Variants in FGF6 observed in about 807,000 individuals in gnomAD.
The protein encoded by FGF6 is fibroblast growth factor 6, also known as FGF-6.
Under a neutral mutation model 18.4 loss-of-function variants are expected in FGF6, and 14 were observed. That is an observed-to-expected ratio of 0.76 (90% CI 0.50 to 1.19). The LOEUF (loss-of-function observed/expected upper bound fraction) is 1.19, where lower values mean the gene tolerates loss of function less well. Ranked by LOEUF, FGF6 falls within the 50% of genes most tolerant of loss-of-function variation. The probability of loss-of-function intolerance (pLI) is 0.00; values close to 1 mark genes in which losing one functional copy is unlikely to be tolerated. For missense variants in FGF6, 266 were observed against 271.6 expected, an observed-to-expected ratio of 0.98 and a Z score of 0.15; for synonymous variants, 125 against 116.7, an observed-to-expected ratio of 1.07 and a Z score of -0.46.
intron 2 of FGF6, among the ~76,000 whole-genome samples, chr12:4,434,796 C>G (rs562507709): frequency 5.3e-5 from 8 of 152,326 alleles, no homozygotes; most frequent in Admixed American, 1.3e-4. Flanking sequence ...CAAGTCCACT[C>G]TGAGAGGGAG....
Position 4,445,477 on chromosome 12 carries a change from C to G in FGF6, c.94G>C (p.Val32Leu), listed in dbSNP as rs766832668. ...GCAGGCGAGGGCACCACCATGCCCACTAGGATGCCTAGGAAGACGAGAGCC... is the reference window on the plus strand; with the variant it reads ...GCAGGCGAGGGCACCACCATGCCCAGTAGGATGCCTAGGAAGACGAGAGCC... ...LWALVFLGIL[V>L]GMVVPSPAGT... The change falls in exon 1 of 3, where the codon GTG becomes CTG. Residue 32 changes from valine to leucine, a missense_variant. Val to Leu is a conservative substitution (Grantham distance 32). Transcript: ENST00000228837. This position sits in a 1 kb window ranked among gnomAD's most constrained non-coding sequence, Gnocchi z 5.5. 1 of 1,613,218 alleles carries G rather than the reference C, an allele frequency of 6.2e-7. No homozygotes were observed. The highest frequency in any genetic ancestry group is 8.5e-7 in the Non-Finnish European group (1 of 1,179,984).
intron 2 of FGF6, among the ~76,000 whole-genome samples, chr12:4,441,816 T>C (rs1004850346): frequency 9.9e-5 from 15 of 152,156 alleles, no homozygotes; most frequent in African/African-American, 3.6e-4. Context: ...GGAGTCTTCC[T>C]GGCTCCGGGG....
chr12:4,445,574 C>G lies in FGF6; in HGVS notation c.-4G>C. 6.4e-7 allele frequency: 1 copy of G among 1,572,192 alleles called. No homozygotes were observed. Among genetic ancestry groups the G allele is most frequent in the Non-Finnish European group, 8.6e-7 (1 of 1,156,998 alleles). ...ACAGTTTCTGTCCCAGGGCCATCCA[C>G]CTTGCCTCTCAGGCACGTGGTCAGA... is the stretch of plus-strand genomic sequence containing the variant. On this transcript the variant is annotated 5_prime_UTR_variant, in exon 1 of 3. Coordinates refer to ENST00000228837, the MANE Select transcript of FGF6 (RefSeq NM_020996.3). The surrounding 1 kb of genome is among the most constrained non-coding windows in gnomAD (Gnocchi z 5.5).
chr12:4,442,829 G>A (rs1398634397), intron 2 of FGF6, among the ~76,000 whole-genome samples: 1 of 152,220 alleles, frequency 6.6e-6, no homozygotes, highest in Non-Finnish European at 1.5e-5. Context: ...GTAACATGGG[G>A]AGTGGGTGGT....
In FGF6 at chr12:4,434,150, C is replaced by T. The variant is rs982565857; in HGVS notation, c.*65G>A. The stretch of plus-strand genomic sequence containing the variant: ...GCCATGGAGGGCAAGGGGAATTCTT[C>T]GCTGGTGCAAAATTTCAATCGAACA... On this transcript the variant is annotated 3_prime_UTR_variant, in exon 3 of 3. Transcript: ENST00000228837. 22 of 1,547,702 alleles carry T rather than the reference C, an allele frequency of 1.4e-5. No homozygotes were observed. The highest frequency in any genetic ancestry group is 5.1e-5 in the Admixed American group (3 of 58,648).
At chr12:4,444,082 G>A (rs1374857338) in intron 2 of FGF6, 51 bp downstream of exon 2, 1 of 1,169,308 alleles carries the variant, frequency 8.6e-7, no homozygotes. Context: ...CTTCAACTGT[G>A]TAAGCATCAA....
chr12:4,438,422 CA>C (rs775160330), intron 2 of FGF6, among the ~76,000 whole-genome samples: 1 of 152,142 alleles, frequency 6.6e-6, no homozygotes, highest in East Asian at 1.9e-4. Flanking sequence ...CACACACGCA[CA>C]AAAGTTACTA....
intron 2 of FGF6, among the ~76,000 whole-genome samples, chr12:4,437,772 A>T (rs1324974756): frequency 6.6e-6 from 1 of 152,208 alleles, no homozygotes; most frequent in African/African-American, 2.4e-5. Context: ...AATGATAATA[A>T]AGTTTGATGT....
intron 1 of FGF6, 71 bp from the exon 2 acceptor site, chr12:4,444,307 G>C: frequency 1.0e-6 from 1 of 992,260 alleles, no homozygotes; most frequent in Non-Finnish European, 1.6e-6. Flanking sequence ...GCCGACAAGG[G>C]CATCTCAGTC....
In FGF6 at chr12:4,445,178, T is replaced by C. The variant is rs1565472325; in HGVS notation, c.346+47A>G. 10 of 1,509,972 alleles carry C rather than the reference T, an allele frequency of 6.6e-6. No homozygotes were observed. In the East Asian group the frequency reaches 9.7e-5, roughly 15 times the overall value. 93.5% of individuals were successfully genotyped at this position (1,509,972 alleles called of 1,614,324 possible). On this transcript the variant is annotated intron_variant, in intron 1 of 2. Transcript: ENST00000228837. The surrounding 1 kb of genome is among the most constrained non-coding windows in gnomAD (Gnocchi z 5.5). ...GGCCCCTTCACCTTTTAGCCCTGCA[T>C]GAGCCCAAACCCCCAAGCGTCCCGA...
At position 4,434,270 on chromosome 12, in the gene FGF6, C is replaced by T. The variant is rs372807700; in HGVS notation, c.572G>A (p.Arg191Gln). The change falls in exon 3 of 3, where the codon CGG becomes CAG. Residue 191 changes from arginine to glutamine, a missense_variant. Physicochemically the swap from Arg to Gln is conservative, Grantham distance 43. Coordinates refer to ENST00000228837, the MANE Select transcript of FGF6 (RefSeq NM_020996.3). ...IALSKYGRVK[R>Q]GSKVSPIMTV... ...CATGATCGGGGACACCTTGCTGCCC[C>T]GCTTTACCCGTCCGTATTTGCTCAG... 51 of 1,614,030 alleles carry T rather than the reference C, an allele frequency of 3.2e-5. No individual in the cohort carries two copies. Among genetic ancestry groups the T allele is most frequent in the East Asian group, 8.9e-5 (4 of 44,896 alleles).
Position 4,445,721 on chromosome 12 carries a change from G to A in FGF6, c.-151C>T. The A allele has an allele frequency of 1.5e-6, 1 of 669,532 alleles. No individual in the cohort carries two copies. Among genetic ancestry groups the A allele is most frequent in the Non-Finnish European group, 2.5e-6 (1 of 401,094 alleles). The allele number at this position is 669,532 out of a possible 1,614,324, so 41.5% of individuals were successfully genotyped here. A position where few individuals can be genotyped will look rare whatever the true frequency, so the allele number is the denominator to read the frequency against. ...AAACCAAAGCCTCCATCGGGCACTC[G>A]GGTTGAGAGCAGAGGGACCCAGGCT... On this transcript the variant is annotated 5_prime_UTR_variant, in exon 1 of 3. An upstream open reading frame in the 5' UTR gains an earlier in-frame stop. Coordinates refer to ENST00000228837, the MANE Select transcript of FGF6 (RefSeq NM_020996.3). The surrounding 1 kb of genome is among the most constrained non-coding windows in gnomAD (Gnocchi z 5.5).
At chr12:4,444,084 A>T in intron 2 of FGF6, 49 bp downstream of exon 2, 1 of 1,180,440 alleles carries the variant, frequency 8.5e-7, no homozygotes, top group Non-Finnish European at 1.3e-6. Context: ...TCAACTGTGT[A>T]AGCATCAAGC....
rs142122437 is a variant in FGF6 at position 4,445,415 on chromosome 12, C to T, written c.156G>A (p.Arg52=). 2.8e-5 allele frequency: 45 copies of T among 1,613,500 alleles called. No homozygotes were observed. The African/African-American group carries it at 3.9e-4, about 14-fold the overall frequency. ...ACCTGGACAGCAGGGTGCCCCAGCC[C>T]CTCGAGTCCAGCAGCGTGTTGTTGG... The part of the protein sequence containing the change: ...TRANNTLLDS[R]GWGTLLSRSR... The change falls in exon 1 of 3, where the codon AGG becomes AGA. Residue 52 remains arginine, a synonymous_variant. Coordinates refer to ENST00000228837, the MANE Select transcript of FGF6 (RefSeq NM_020996.3). This position sits in a 1 kb window ranked among gnomAD's most constrained non-coding sequence, Gnocchi z 5.5.
chr12:4,443,350 T>A lies in FGF6; in HGVS notation c.450+783A>T, dbSNP rs924633731. ...CTGAGGTCTTCCTTTTTAGCTTGCT[T>A]ATTTCTGTCAAAGGAACTCTCCATT... On this transcript the variant is annotated intron_variant, in intron 2 of 2. Coordinates refer to ENST00000228837, the MANE Select transcript of FGF6 (RefSeq NM_020996.3). Among the ~76,000 whole-genome samples, 4 of 152,340 alleles carry A rather than the reference T, an allele frequency of 2.6e-5. No individual in the cohort carries two copies. The South Asian group carries it at 6.2e-4, about 24-fold the overall frequency.
chr12:4,445,514 C>T lies in FGF6; in HGVS notation c.57G>A (p.Gln19=), dbSNP rs757510191. Residue 19 remains glutamine (Q), a synonymous_variant, in exon 1 of 3, where the codon CAG becomes CAA. Transcript: ENST00000228837. The surrounding 1 kb of genome is among the most constrained non-coding windows in gnomAD (Gnocchi z 5.5). ...ITMSRGAGRL[Q]GTLWALVFLG... ...GGAAGACGAGAGCCCACAGCGTGCC[C>T]TGCAGACGTCCTGCTCCCCGGGACA... 6.2e-6 allele frequency: 10 copies of T among 1,612,230 alleles called. No individual in the cohort carries two copies. Among genetic ancestry groups the T allele is most frequent in the Non-Finnish European group, 7.6e-6 (9 of 1,179,678 alleles).
Position 4,444,159 on chromosome 12 carries a change from T to C in FGF6, c.424A>G (p.Asn142Asp), listed in dbSNP as rs1463359942. Residue 142 changes from asparagine (N) to aspartate (D), a missense_variant, in exon 2 of 3, where the codon AAC (asparagine) becomes GAC (aspartate). Coordinates refer to ENST00000228837, the MANE Select transcript of FGF6 (RefSeq NM_020996.3). Reference sequence around the variant, plus strand: ...GTTGCGTACAATCTTCCTTTACTGTTCATGGCAACGAAGAGGGCACTTCTC... The same window carrying C: ...GTTGCGTACAATCTTCCTTTACTGTCCATGGCAACGAAGAGGGCACTTCTC... ...GVRSALFVAM[N>D]SKGRLYATPS... The C allele has an allele frequency of 6.2e-7, 1 of 1,613,594 alleles. No individual in the cohort carries two copies. The highest frequency in any genetic ancestry group is 1.1e-5 in the South Asian group (1 of 91,034).
At chr12:4,435,486 T>G (rs1394812567) in intron 2 of FGF6, among the ~76,000 whole-genome samples, 1 of 152,128 alleles carries the variant, frequency 6.6e-6, no homozygotes, top group African/African-American at 2.4e-5. Flanking sequence ...ATGGAAATAG[T>G]CTTCCATGAA....
rs139112678 is a variant in FGF6 at position 4,444,013 on chromosome 12, A to T, written c.450+120T>A. ...CCCCTCCCTTTCACAGGCTCCTCTC[A>T]CAGCCTTTCCTTTCCCATTTAGATA... On this transcript the variant is annotated intron_variant, in intron 2 of 2. Coordinates refer to ENST00000228837, the MANE Select transcript of FGF6 (RefSeq NM_020996.3). The T allele has an allele frequency of 7.5e-4, 501 of 667,296 alleles. 5 individuals are homozygous for T. In the East Asian group the frequency reaches 0.012, roughly 16 times the overall value. 41.3% of individuals were successfully genotyped at this position (667,296 alleles called of 1,614,324 possible).
Sources: allele counts gnomAD v4.1 joint callset (sites outside exome capture counted in the v4.1 genomes callset), GRCh38; gene constraint gnomAD v4.1.1; non-coding constraint Gnocchi (gnomAD v3.1); transcripts MANE v1.5; gene names NCBI Gene and HGNC (gene_info 2026-07-23, HGNC 2026-07-21).